The following PCDHGA12 variants were observed in gnomAD, a reference collection of about 807,000 sequenced individuals.
The protein encoded by PCDHGA12 is protocadherin gamma subfamily A, 12.
In PCDHGA12, 43 loss-of-function variants were observed where a neutral mutation model predicts 61.1. The observed-to-expected ratio is 0.70, with a 90% confidence interval of 0.55 to 0.91. The LOEUF is 0.91. Among genes scored for constraint, PCDHGA12 ranks in the 40% least tolerant of loss-of-function variants. The pLI, the probability that PCDHGA12 is intolerant of heterozygous loss-of-function variation, is 0.00. For missense variants in PCDHGA12, 1,236 were observed against 1,227.7 expected, an observed-to-expected ratio of 1.01 and a Z score of -0.10; for synonymous variants, 520 against 542.9, an observed-to-expected ratio of 0.96 and a Z score of 0.59.
rs891428609 is a variant in PCDHGA12, at chr5:141,503,553, C to T, written c.2484-1840C>T. Among the ~76,000 whole-genome samples the T allele has an allele frequency of 9.4e-5, 14 of 149,164 alleles. No homozygotes were observed. In the East Asian group the frequency reaches 2.2e-3, roughly 23 times the overall value. On this transcript the variant is annotated intron_variant, in intron 2 of 3. Coordinates refer to ENST00000252085, the MANE Select transcript of PCDHGA12 (RefSeq NM_003735.3). ...GGCAGAGGTTGCAGTGAGCCGAGAT[C>T]GCGCCACTGTACTCCAGCCTGGGTG...
At chr5:141,473,942 G>A (rs1419813166) in intron 1 of PCDHGA12, among the ~76,000 whole-genome samples, 3 of 152,124 alleles carry the variant, frequency 2.0e-5, no homozygotes, top group Non-Finnish European at 2.9e-5. Flanking sequence ...AGTAGCTCAG[G>A]CCTGTAGTCC....
In PCDHGA12 at chr5:141,476,101, A is replaced by G; in HGVS notation, c.2425-18706A>G. The G allele has an allele frequency of 6.3e-7, 1 of 1,576,386 alleles. No individual in the cohort carries two copies. Among genetic ancestry groups the G allele is most frequent in the East Asian group, 2.2e-5 (1 of 44,540 alleles). On this transcript the variant is annotated intron_variant, in intron 1 of 3. Coordinates refer to ENST00000252085, the MANE Select transcript of PCDHGA12 (RefSeq NM_003735.3). This position sits in a 1 kb window ranked among gnomAD's most constrained non-coding sequence, Gnocchi z 7.6. ...GACGATCTGGACCCCGCTGAGAGGA[A>G]CTGCTTTTGAGTGAGATGGTCCCAG... is the stretch of plus-strand genomic sequence containing the variant.
chr5:141,494,878 T>A lies in PCDHGA12; in HGVS notation c.2483+13T>A. Reference sequence around the variant, plus strand: ...CCGGCACCAGCGGGTAGGTGACTGATTCTCCAGCCCACCCTCTTCTCTGCG... The same window carrying A: ...CCGGCACCAGCGGGTAGGTGACTGAATCTCCAGCCCACCCTCTTCTCTGCG... On this transcript the variant is annotated intron_variant, in intron 2 of 3. Coordinates refer to ENST00000252085, the MANE Select transcript of PCDHGA12 (RefSeq NM_003735.3). The A allele has an allele frequency of 6.2e-7, 1 of 1,614,072 alleles. No homozygotes were observed. The highest frequency in any genetic ancestry group is 8.5e-7 in the Non-Finnish European group (1 of 1,179,986).
In PCDHGA12 at chr5:141,455,253, C is replaced by A. The variant is rs187877877; in HGVS notation, c.2424+22070C>A. 2.8e-3 allele frequency among the ~76,000 whole-genome samples: 433 copies of A among 151,986 alleles called. 1 individual carries two copies. Among genetic ancestry groups the A allele is most frequent in the Admixed American group, 0.021 (319 of 15,266 alleles). ...AAAATGTTAAAGGTCATAGTACAAT[C>A]GCATTTCTTCCCATTGATTATTAAC... is the stretch of plus-strand genomic sequence containing the variant. On this transcript the variant is annotated intron_variant, in intron 1 of 3. Coordinates refer to ENST00000252085, the MANE Select transcript of PCDHGA12 (RefSeq NM_003735.3).
At chr5:141,438,629 TATATATACAC>T (rs1412065186) in intron 1 of PCDHGA12, among the ~76,000 whole-genome samples, 590 of 47,950 alleles carry the variant, frequency 0.012, no homozygotes, top group African/African-American at 0.039. Flanking sequence ...TATATATATA[TATATATACAC>T]ACACACACAC....
chr5:141,489,211 A>G lies in PCDHGA12; in HGVS notation c.2425-5596A>G, dbSNP rs1206929838. On this transcript the variant is annotated intron_variant, in intron 1 of 3. Coordinates refer to ENST00000252085, the MANE Select transcript of PCDHGA12 (RefSeq NM_003735.3). This position sits in a 1 kb window ranked among gnomAD's most constrained non-coding sequence, Gnocchi z 4.5. The stretch of plus-strand genomic sequence containing the variant: ...CTACCTTGGAGACAGGACAGCACAG[A>G]CTTACTCTCCACAAAGGGACTTCTG... 2 of 1,462,498 alleles carry G rather than the reference A, an allele frequency of 1.4e-6. No individual in the cohort carries two copies. Among genetic ancestry groups the G allele is most frequent in the Non-Finnish European group, 1.8e-6 (2 of 1,081,560 alleles). The allele number at this position is 1,462,498 out of a possible 1,614,324, so 90.6% of individuals were successfully genotyped here. A position where few individuals can be genotyped will look rare whatever the true frequency, so the allele number is the denominator to read the frequency against.
chr5:141,473,892 G>C (rs1247711441), intron 1 of PCDHGA12, among the ~76,000 whole-genome samples: 1 of 152,138 alleles, frequency 6.6e-6, no homozygotes, highest in African/African-American at 2.4e-5. Context: ...GGGTTCTGTT[G>C]GTTCATGAAG....
intron 2 of PCDHGA12, among the ~76,000 whole-genome samples, chr5:141,498,945 G>C (rs1421135706): frequency 8.0e-6 from 1 of 125,434 alleles, no homozygotes; most frequent in Non-Finnish European, 1.6e-5. Context: ...AAGAAAGAAA[G>C]AAAAAGAGAG....
At chr5:141,508,499 C>T (rs1425054102) in intron 3 of PCDHGA12, among the ~76,000 whole-genome samples, 7 of 152,212 alleles carry the variant, frequency 4.6e-5, no homozygotes, top group Non-Finnish European at 1.0e-4. Flanking sequence ...CATATCTTCT[C>T]TCCCTCCTGG....
chr5:141,478,326 C>T, intron 1 of PCDHGA12: 1 of 1,613,950 alleles, frequency 6.2e-7, no homozygotes, highest in Admixed American at 1.7e-5. Flanking sequence ...CTGTACCGAA[C>T]ACCAGGGCCC....
rs756658304 is a variant in PCDHGA12, at chr5:141,485,531, G to C, written c.2425-9276G>C. 6.8e-6 allele frequency: 11 copies of C among 1,614,218 alleles called. No homozygotes were observed. In the Admixed American group the frequency reaches 1.5e-4, roughly 22 times the overall value. On this transcript the variant is annotated intron_variant, in intron 1 of 3. Transcript: ENST00000252085. This position sits in a 1 kb window ranked among gnomAD's most constrained non-coding sequence, Gnocchi z 5.7. ...AGGTCCTTTGGAAATGTACCGAGCA[G>C]AGGTAGAGATCGTAGATGTGAATGA... is the stretch of plus-strand genomic sequence containing the variant.
Position 141,491,445 on chromosome 5 carries a change from C to G in PCDHGA12, c.2425-3362C>G. ...GAGGGCAGTGCTGCAGGCGCCAGGACTCACCCTCCCCGGACTTCTATAAGC... is the reference window on the plus strand; with the variant it reads ...GAGGGCAGTGCTGCAGGCGCCAGGAGTCACCCTCCCCGGACTTCTATAAGC... On this transcript the variant is annotated intron_variant, in intron 1 of 3. Coordinates refer to ENST00000252085, the MANE Select transcript of PCDHGA12 (RefSeq NM_003735.3). This position sits in a 1 kb window ranked among gnomAD's most constrained non-coding sequence, Gnocchi z 6.9. 6.2e-7 allele frequency: 1 copy of G among 1,614,112 alleles called. No individual in the cohort carries two copies. Among genetic ancestry groups the G allele is most frequent in the Non-Finnish European group, 8.5e-7 (1 of 1,180,032 alleles).
rs1460626002 is a variant in PCDHGA12, at chr5:141,486,935, C to A, written c.2425-7872C>A. ...ACTGCCTCCATCAGTTGGTGCTGGC[C>A]ACCTAATCACAAAGGTGACTGCTGT... On this transcript the variant is annotated intron_variant, in intron 1 of 3. Transcript: ENST00000252085. This position sits in a 1 kb window ranked among gnomAD's most constrained non-coding sequence, Gnocchi z 5.0. 5 of 1,614,228 alleles carry A rather than the reference C, an allele frequency of 3.1e-6. No individual in the cohort carries two copies. The highest frequency in any genetic ancestry group is 4.2e-6 in the Non-Finnish European group (5 of 1,180,038).
In PCDHGA12 at chr5:141,510,932, CCT is replaced by C. The variant is rs753455267; in HGVS notation, c.2573-12_2573-11del. 6 of 1,613,998 alleles carry C rather than the reference CCT, an allele frequency of 3.7e-6. No homozygotes were observed. The highest frequency in any genetic ancestry group is 1.1e-5 in the South Asian group (1 of 91,082). ...CTAAGTTTAGCTCCCACCTGATCTTCCTCTGTCTCTGCAGAAGCTGCTGATGG... is the reference window on the plus strand; with the variant it reads ...CTAAGTTTAGCTCCCACCTGATCTTCCTGTCTCTGCAGAAGCTGCTGATGG... On this transcript the variant is annotated splice_polypyrimidine_tract_variant and intron_variant, in intron 3 of 3. Coordinates refer to ENST00000252085, the MANE Select transcript of PCDHGA12 (RefSeq NM_003735.3).
intron 1 of PCDHGA12, among the ~76,000 whole-genome samples, chr5:141,472,119 A>C (rs1015212535): frequency 6.6e-6 from 1 of 152,240 alleles, no homozygotes; most frequent in African/African-American, 2.4e-5. Context: ...AAAGAAAATA[A>C]AAGAGAAGTT....
intron 1 of PCDHGA12, among the ~76,000 whole-genome samples, chr5:141,446,153 AT>A (rs1158236808): frequency 1.3e-5 from 2 of 152,362 alleles, no homozygotes; most frequent in East Asian, 3.9e-4. Flanking sequence ...TAGGTGGAAT[AT>A]AAATTTCATG....
At chr5:141,505,554 C>T in intron 3 of PCDHGA12, 73 bp downstream of exon 3, 1 of 1,606,130 alleles carries the variant, frequency 6.2e-7, no homozygotes, top group Non-Finnish European at 8.5e-7. Context: ...AGCCACCATG[C>T]CCACGGACTG....
At position 141,430,915 on chromosome 5, in the gene PCDHGA12, G is replaced by A. The variant is rs565034370; in HGVS notation, c.156G>A (p.Leu52=). Reference sequence around the variant, plus strand: ...GGGTGGGCGACATCTCCAGGGACCTGGGGCTGGAGCCCCGGGAGCTCGCGG... The same window carrying A: ...GGGTGGGCGACATCTCCAGGGACCTAGGGCTGGAGCCCCGGGAGCTCGCGG... ...GSRVGDISRD[L]GLEPRELAER... is the part of the protein sequence containing the mutation. The change falls in exon 1 of 4, where the codon CTG becomes CTA. Residue 52 remains leucine, a synonymous_variant. Coordinates refer to ENST00000252085, the MANE Select transcript of PCDHGA12 (RefSeq NM_003735.3). The A allele has an allele frequency of 1.2e-6, 2 of 1,607,738 alleles. No individual in the cohort carries two copies. The highest frequency in any genetic ancestry group is 4.5e-5 in the East Asian group (2 of 44,852).
At chr5:141,475,657 C>T (rs2099366732) in intron 1 of PCDHGA12, among the ~76,000 whole-genome samples, 1 of 152,204 alleles carries the variant, frequency 6.6e-6, no homozygotes, top group Non-Finnish European at 1.5e-5. Flanking sequence ...GAAAGTGATT[C>T]AAATGTTTAA....
Sources: allele counts gnomAD v4.1 joint callset (sites outside exome capture counted in the v4.1 genomes callset), GRCh38; gene constraint gnomAD v4.1.1; non-coding constraint Gnocchi (gnomAD v3.1); transcripts MANE v1.5; gene names NCBI Gene and HGNC (gene_info 2026-07-23, HGNC 2026-07-21).